The following SLC25A46 variants were observed in gnomAD, a reference collection of about 807,000 sequenced individuals.
The protein encoded by SLC25A46 is solute carrier family 25 member 46.
Under a neutral mutation model 44.6 loss-of-function variants are expected in SLC25A46, and 39 were observed. The ratio of observed to expected loss-of-function variants is 0.87; its 90% CI spans 0.68 to 1.14. The LOEUF is 1.14. SLC25A46 is among the 50% of genes most tolerant of loss of function. The pLI is 0.00. For synonymous variants in SLC25A46, 202 were observed against 185.8 expected (o/e 1.09, Z -0.71); for missense variants, 547 against 522.7 (o/e 1.05, Z -0.45).
intron 2 of SLC25A46, among the ~76,000 whole-genome samples, chr5:110,742,508 G>C (rs370557887): frequency 1.3e-5 from 2 of 152,038 alleles, no homozygotes; most frequent in Non-Finnish European, 2.9e-5. Context: ...ATTTAATGAT[G>C]CCATGTAACT....
At chr5:110,749,687 C>G (rs1799912434) in intron 5 of SLC25A46, among the ~76,000 whole-genome samples, 1 of 151,946 alleles carries the variant, frequency 6.6e-6, no homozygotes, top group African/African-American at 2.4e-5. Flanking sequence ...TTTTGGGTCT[C>G]TCTTTTCTCT....
chr5:110,759,531 C>T (rs1800195702), intron 7 of SLC25A46, among the ~76,000 whole-genome samples: 1 of 152,078 alleles, frequency 6.6e-6, no homozygotes, highest in South Asian at 2.1e-4. Flanking sequence ...TCAAGTGGGA[C>T]TGTGTCATGT....
intron 7 of SLC25A46, among the ~76,000 whole-genome samples, chr5:110,760,162 C>T (rs1263854357): frequency 2.0e-5 from 3 of 152,132 alleles, no homozygotes; most frequent in Non-Finnish European, 2.9e-5. Flanking sequence ...CCCCCAGTTC[C>T]TCTGGACAGC....
intron 7 of SLC25A46, among the ~76,000 whole-genome samples, chr5:110,760,832 A>G (rs1800229868): frequency 6.6e-6 from 1 of 152,304 alleles, no homozygotes; most frequent in African/African-American, 2.4e-5. Flanking sequence ...CAATGGTTAC[A>G]TAGCCAGTAA....
At chr5:110,745,264 G>C (rs530643553) in intron 3 of SLC25A46, among the ~76,000 whole-genome samples, 363 of 148,050 alleles carry the variant, frequency 2.5e-3, no homozygotes, top group Admixed American at 4.8e-3. Flanking sequence ...TTTTTTTTTT[G>C]TTTGTTTGAG....
intron 7 of SLC25A46, among the ~76,000 whole-genome samples, chr5:110,758,148 G>C (rs1272255005): frequency 6.6e-6 from 1 of 151,578 alleles, no homozygotes; most frequent in East Asian, 1.9e-4. Flanking sequence ...TTTTTCTTTA[G>C]ATTTCTCTCT....
intron 7 of SLC25A46, 172 bp downstream of exon 7, chr5:110,756,931 G>T: frequency 2.4e-6 from 1 of 411,828 alleles, no homozygotes; most frequent in Non-Finnish European, 4.3e-6. Context: ...TATTTCCATT[G>T]GTATCTTAAG....
chr5:110,748,133 C>T, intron 4 of SLC25A46, 30 bp from the exon 5 acceptor site: 1 of 1,510,712 alleles, frequency 6.6e-7, no homozygotes, highest in Non-Finnish European at 9.2e-7. Context: ...TAGGTATTAA[C>T]AGAAATAACA....
At chr5:110,742,424 T>C (rs1799714061) in intron 2 of SLC25A46, among the ~76,000 whole-genome samples, 1 of 151,938 alleles carries the variant, frequency 6.6e-6, no homozygotes, top group South Asian at 2.1e-4. Context: ...TAGAATGGGG[T>C]TCATGAAGAT....
rs145119144 is a variant in SLC25A46 at position 110,739,207 on chromosome 5, G to C, written c.88G>C (p.Ala30Pro). ...DEQGFGGAFP[A>P]RSFSTGSDLG... ...GCAGGGCTTTGGCGGCGCCTTCCCT[G>C]CAAGGTCCTTCAGCACCGGGTCGGA... The change falls in exon 1 of 8, where the codon GCA (alanine) becomes CCA (proline). Residue 30 changes from alanine to proline, a missense_variant. Transcript: ENST00000355943. The C allele has an allele frequency of 3.1e-5, 48 of 1,567,596 alleles. No individual in the cohort carries two copies. The East Asian group carries it at 9.4e-4, about 31-fold the overall frequency.
chr5:110,761,510 G>A lies in SLC25A46; in HGVS notation c.985G>A (p.Val329Ile), dbSNP rs750717175. Residue 329 changes from valine to isoleucine, a missense_variant, in exon 8 of 8, where the codon GTT becomes ATT. Transcript: ENST00000355943. This position sits in a 1 kb window ranked among gnomAD's most constrained non-coding sequence, Gnocchi z 5.3. ...ANFAASLCSD[V>I]ILYPLETVLH... ...CTTTGCTGCCAGTCTTTGTTCTGAC[G>A]TTATACTTTACCCATTGGAAACAGT... The A allele has an allele frequency of 8.1e-6, 13 of 1,613,614 alleles. No individual in the cohort carries two copies. The highest frequency in any genetic ancestry group is 5.3e-5 in the African/African-American group (4 of 74,878).
chr5:110,758,153 C>A (rs1800161283), intron 7 of SLC25A46, among the ~76,000 whole-genome samples: 1 of 151,798 alleles, frequency 6.6e-6, no homozygotes, highest in South Asian at 2.1e-4. Flanking sequence ...CTTTAGATTT[C>A]TCTCTCTTGA....
intron 4 of SLC25A46, 48 bp from the exon 5 acceptor site, chr5:110,748,115 T>C (rs1799867038): frequency 2.3e-6 from 3 of 1,313,852 alleles, no homozygotes; most frequent in Non-Finnish European, 3.3e-6. Flanking sequence ...TCTTTTGTGT[T>C]TCAGATGTAG....
At chr5:110,753,171 A>G (rs1015126591) in intron 5 of SLC25A46, 5 of 152,162 alleles carry the variant, frequency 3.3e-5, no homozygotes, top group African/African-American at 4.8e-5. Flanking sequence ...TTCAAAACCA[A>G]TTTGAAGTGG....
At position 110,746,293 on chromosome 5, in the gene SLC25A46, C is replaced by T; in HGVS notation, c.409C>T (p.His137Tyr). 3.1e-6 allele frequency: 5 copies of T among 1,587,782 alleles called. No homozygotes were observed. Among genetic ancestry groups the T allele is most frequent in the Non-Finnish European group, 4.3e-6 (5 of 1,170,990 alleles). Residue 137 changes from histidine (H) to tyrosine (Y), a missense_variant, in exon 4 of 8, where the codon CAT becomes TAT. By Grantham distance (83) the His-to-Tyr change is moderately conservative (BLOSUM62 2). Transcript: ENST00000355943. Reference protein sequence around the residue: ...CQVNYHAQHYHLTPFTVINIM... With the variant: ...CQVNYHAQHYYLTPFTVINIM... ...GGTTAATTACCATGCTCAGCATTAC[C>T]ATCTCACTCCATTTACAGTCATCAA... is the stretch of plus-strand genomic sequence containing the variant.
intron 6 of SLC25A46, among the ~76,000 whole-genome samples, chr5:110,756,349 AC>A (rs1327419214): frequency 6.6e-6 from 1 of 151,986 alleles, no homozygotes; most frequent in East Asian, 1.9e-4. Flanking sequence ...CAGAAAAGTT[AC>A]TTGCTCAAAT....
intron 6 of SLC25A46, chr5:110,755,976 T>C (rs1237263184): frequency 1.3e-5 from 2 of 152,312 alleles, no homozygotes; most frequent in Admixed American, 1.3e-4. Context: ...TTCTTCACTT[T>C]TTAATTTTTT....
At chr5:110,738,890 T>C (rs1799499856), upstream of SLC25A46, 2 of 1,120,906 alleles carry the variant, frequency 1.8e-6, no homozygotes, top group African/African-American at 1.6e-5. Flanking sequence ...AACAAACTTT[T>C]AAGGTCCAGG....
At chr5:110,753,407 A>C (rs912176127) in intron 5 of SLC25A46, 1 of 150,392 alleles carries the variant, frequency 6.6e-6, no homozygotes, top group Non-Finnish European at 1.5e-5. Flanking sequence ...TGTGTTGATT[A>C]TGCATAGGAG....
Sources: allele counts gnomAD v4.1 joint callset (sites outside exome capture counted in the v4.1 genomes callset), GRCh38; gene constraint gnomAD v4.1.1; non-coding constraint Gnocchi (gnomAD v3.1); transcripts MANE v1.5; gene names NCBI Gene and HGNC (gene_info 2026-07-23, HGNC 2026-07-21).